The following GMDS variants were observed in gnomAD, a reference collection of about 807,000 sequenced individuals.
GMDS encodes GDP-mannose 4,6 dehydratase.
A neutral mutation model predicts 49.9 loss-of-function variants in GMDS; 20 were observed. The observed-to-expected ratio is 0.40, with a 90% CI of 0.28 to 0.58. The LOEUF is 0.58. GMDS is among the 20% of genes least tolerant of loss of function. The probability of loss-of-function intolerance (pLI) is 0.42; values close to 1 mark genes in which losing one functional copy is unlikely to be tolerated. For missense variants in GMDS, 362 were observed against 481.4 expected, an observed-to-expected ratio of 0.75 and a Z score of 2.32; for synonymous variants, 177 against 178.6, an observed-to-expected ratio of 0.99 and a Z score of 0.07.
intron 1 of GMDS, among the ~76,000 whole-genome samples, chr6:2,212,801 T>C (rs1033285360): frequency 1.3e-5 from 2 of 151,706 alleles, no homozygotes; most frequent in African/African-American, 4.8e-5. Flanking sequence ...CAGCTCGACA[T>C]GGATTCTGAC....
At position 2,096,006 on chromosome 6, in the gene GMDS, T is replaced by C. The variant is rs989172840; in HGVS notation, c.345+19765A>G. Among the ~76,000 whole-genome samples the C allele has an allele frequency of 2.6e-5, 4 of 152,252 alleles. No homozygotes were observed. The East Asian group carries it at 7.7e-4, about 29-fold the overall frequency. On this transcript the variant is annotated intron_variant, in intron 4 of 10. Coordinates refer to ENST00000380815, the MANE Select transcript of GMDS (RefSeq NM_001500.4). ...ACTGGAAGAATATATCTGCAACATA[T>C]ATACCTGATAAAAAGTTAATAGGAA...
intron 9 of GMDS, among the ~76,000 whole-genome samples, chr6:1,689,621 C>T (rs1765102379): frequency 6.6e-6 from 1 of 152,192 alleles, no homozygotes; most frequent in Admixed American, 6.5e-5. Flanking sequence ...GCCCATCCCT[C>T]ACTGACACAC....
At chr6:2,140,181 T>C (rs1310932834) in intron 1 of GMDS, among the ~76,000 whole-genome samples, 3 of 152,030 alleles carry the variant, frequency 2.0e-5, no homozygotes, top group Non-Finnish European at 2.9e-5. Flanking sequence ...TTATCGTGGA[T>C]TATCTGGGTG....
intron 4 of GMDS, among the ~76,000 whole-genome samples, chr6:1,981,454 G>A (rs1765217389): frequency 6.6e-6 from 1 of 152,092 alleles, no homozygotes; most frequent in Non-Finnish European, 1.5e-5. Context: ...ATAAATTCCT[G>A]GACACATACA....
intron 4 of GMDS, among the ~76,000 whole-genome samples, chr6:2,017,430 TC>T (rs1392054032): frequency 6.6e-6 from 1 of 152,054 alleles, no homozygotes; most frequent in Non-Finnish European, 1.5e-5. Context: ...TGCCTCAGCC[TC>T]CTGAGTAACT....
intron 7 of GMDS, among the ~76,000 whole-genome samples, chr6:1,876,555 A>G (rs572705900): frequency 1.3e-5 from 2 of 152,328 alleles, no homozygotes; most frequent in Admixed American, 1.3e-4. Flanking sequence ...ACGAGGGTTC[A>G]TGCCTAGCTC....
chr6:2,156,730 T>C (rs1777132400), intron 1 of GMDS, among the ~76,000 whole-genome samples: 1 of 152,188 alleles, frequency 6.6e-6, no homozygotes, highest in South Asian at 2.1e-4. Context: ...TGAATATGTC[T>C]CGGGGTAGAT....
intron 7 of GMDS, among the ~76,000 whole-genome samples, chr6:1,805,649 T>A (rs977933708): frequency 5.9e-5 from 9 of 152,248 alleles, no homozygotes; most frequent in African/African-American, 1.4e-4. Flanking sequence ...GAGATTTTTT[T>A]AAATTTTGAA....
At chr6:2,158,844 C>T (rs992375829) in intron 1 of GMDS, among the ~76,000 whole-genome samples, 3 of 152,196 alleles carry the variant, frequency 2.0e-5, no homozygotes, top group Non-Finnish European at 4.4e-5. Context: ...ACAGTGTCCA[C>T]GGTGGTTAAT....
chr6:2,192,036 G>A (rs1336186426), intron 1 of GMDS, among the ~76,000 whole-genome samples: 1 of 152,198 alleles, frequency 6.6e-6, no homozygotes, highest in Non-Finnish European at 1.5e-5. Flanking sequence ...AGGGGATGGG[G>A]AGAAGATGAG....
chr6:1,870,055 C>T (rs11967004), intron 7 of GMDS, among the ~76,000 whole-genome samples: 4,369 of 152,348 alleles, frequency 0.029, 211 homozygotes, highest in African/African-American at 0.099. Flanking sequence ...TGGGGCCTGC[C>T]TTCCTGGGCA....
Position 1,740,503 on chromosome 6 carries a change from G to A in GMDS, c.890+1965C>T, listed in dbSNP as rs190068234. Among the ~76,000 whole-genome samples, 330 of 151,166 alleles carry A rather than the reference G, an allele frequency of 2.2e-3. 6 individuals carry two copies. The highest frequency in any genetic ancestry group is 0.019 in the Admixed American group (284 of 15,184). ...ACCCAGAAGGCGGAGGTTGTAGTGA[G>A]CCAAGATCGTGCCACTGCACTCCAG... On this transcript the variant is annotated intron_variant, in intron 8 of 10. Coordinates refer to ENST00000380815, the MANE Select transcript of GMDS (RefSeq NM_001500.4).
At chr6:1,975,910 A>G (rs534688498) in intron 4 of GMDS, among the ~76,000 whole-genome samples, 6 of 152,344 alleles carry the variant, frequency 3.9e-5, no homozygotes, top group African/African-American at 1.4e-4. Context: ...CCTCTGCAGA[A>G]GCCTGAGGTT....
At chr6:2,075,393 G>A (rs568304129) in intron 4 of GMDS, among the ~76,000 whole-genome samples, 1 of 152,052 alleles carries the variant, frequency 6.6e-6, no homozygotes, top group East Asian at 1.9e-4. Flanking sequence ...TTAACATTAG[G>A]CATACCTCCT....
At chr6:2,048,277 G>A (rs1176983088) in intron 4 of GMDS, among the ~76,000 whole-genome samples, 1 of 152,130 alleles carries the variant, frequency 6.6e-6, no homozygotes, top group African/African-American at 2.4e-5. Context: ...TATAATCCAT[G>A]TAGAAATGTT....
chr6:2,114,478 T>C (rs1004513695), intron 4 of GMDS, among the ~76,000 whole-genome samples: 1 of 152,174 alleles, frequency 6.6e-6, no homozygotes, highest in African/African-American at 2.4e-5. Context: ...ACAGTATGCA[T>C]AAGAGACTTT....
chr6:2,001,600 A>G lies in GMDS; in HGVS notation c.346-40634T>C, dbSNP rs181472330. Among the ~76,000 whole-genome samples the G allele has an allele frequency of 4.6e-5, 7 of 152,342 alleles. No individual in the cohort carries two copies. The East Asian group carries it at 1.3e-3, about 29-fold the overall frequency. On this transcript the variant is annotated intron_variant, in intron 4 of 10. Transcript: ENST00000380815. Reference sequence around the variant, plus strand: ...AGGATCCAGAATAACCAGAAAAAGAACAAAGTTGGAGGACTCACACTTCCT... The same window carrying G: ...AGGATCCAGAATAACCAGAAAAAGAGCAAAGTTGGAGGACTCACACTTCCT...
chr6:2,240,345 T>C (rs1395268652), intron 1 of GMDS, among the ~76,000 whole-genome samples: 1 of 152,210 alleles, frequency 6.6e-6, no homozygotes, highest in Non-Finnish European at 1.5e-5. Context: ...ATTCCAGTAA[T>C]GAGGCAAAGG....
intron 8 of GMDS, among the ~76,000 whole-genome samples, chr6:1,735,814 C>T (rs1766983876): frequency 6.6e-6 from 1 of 152,164 alleles, no homozygotes; most frequent in Non-Finnish European, 1.5e-5. Context: ...TGCACAATGT[C>T]TTCATATTTG....
Sources: gnomAD v4.1 joint callset for allele counts (sites outside exome capture counted in the v4.1 genomes callset) on GRCh38, gnomAD v4.1.1 for gene constraint, MANE v1.5 for transcripts, NCBI Gene and HGNC (gene_info 2026-07-23, HGNC 2026-07-21) for gene names.